Variants in CNBD1 observed in about 807,000 individuals in gnomAD.
CNBD1 encodes the protein cyclic nucleotide-binding domain-containing protein 1.
A neutral mutation model predicts 54.4 loss-of-function variants in CNBD1; 71 were observed. The observed-to-expected ratio is 1.30, with a 90% confidence interval of 1.08 to 1.59. The LOEUF (loss-of-function observed/expected upper bound fraction) is 1.59, where lower values mean the gene tolerates loss of function less well. CNBD1 is among the 40% of genes most tolerant of loss of function. The pLI, the probability that CNBD1 is intolerant of heterozygous loss-of-function variation, is 0.00. For missense variants in CNBD1, 659 were observed against 518.0 expected, an observed-to-expected ratio of 1.27 and a Z score of -2.64; for synonymous variants, 182 against 170.7, an observed-to-expected ratio of 1.07 and a Z score of -0.51.
chr8:87,140,504 G>A (rs954346942), intron 4 of CNBD1, among the ~76,000 whole-genome samples: 5 of 152,112 alleles, frequency 3.3e-5, no homozygotes, highest in Non-Finnish European at 7.4e-5. Context: ...CTAAAAAACA[G>A]TGAATGGAAA....
chr8:87,256,973 T>G (rs2130845080), intron 6 of CNBD1, among the ~76,000 whole-genome samples: 1 of 152,184 alleles, frequency 6.6e-6, no homozygotes, highest in African/African-American at 2.4e-5. Flanking sequence ...CACAAAAAGC[T>G]TTCTTTACCT....
At chr8:87,313,833 C>T (rs1383379997) in intron 8 of CNBD1, among the ~76,000 whole-genome samples, 2 of 151,780 alleles carry the variant, frequency 1.3e-5, no homozygotes, top group Non-Finnish European at 2.9e-5. Context: ...ACATAAATGA[C>T]AGTAAGGAAA....
Position 87,123,272 on chromosome 8 carries a change from G to A in CNBD1, c.432-82721G>A, listed in dbSNP as rs191224955. 3.3e-5 allele frequency among the ~76,000 whole-genome samples: 5 copies of A among 151,612 alleles called. No homozygotes were observed. The East Asian group carries it at 9.7e-4, about 29-fold the overall frequency. ...ACATTCTCCAGGCATATATATGTTA[G>A]GTCAGAAGACAAATTTTAACAAATT... On this transcript the variant is annotated intron_variant, in intron 4 of 10. Coordinates refer to ENST00000518476, the MANE Select transcript of CNBD1 (RefSeq NM_173538.3).
intron 4 of CNBD1, among the ~76,000 whole-genome samples, chr8:87,058,302 C>CTAAA (rs1810467046): frequency 6.6e-6 from 1 of 152,166 alleles, no homozygotes; most frequent in African/African-American, 2.4e-5. Flanking sequence ...TGTTGAGTGT[C>CTAAA]TTTAGCTTTT....
chr8:87,387,902 T>A lies in CNBD1; in HGVS notation c.213+34116T>A, dbSNP rs1195191052. Reference sequence around the variant, plus strand: ...GTAGAAAATAGAAATTATAACAAACTGTCTCTCAGACCACAGTGCAATCAA... The same window carrying A: ...GTAGAAAATAGAAATTATAACAAACAGTCTCTCAGACCACAGTGCAATCAA... On this transcript the variant is annotated intron_variant, in intron 2 of 7. Transcript: ENST00000521593. Among the ~76,000 whole-genome samples, 3 of 152,152 alleles carry A rather than the reference T, an allele frequency of 2.0e-5. No individual in the cohort carries two copies. The East Asian group carries it at 5.8e-4, about 29-fold the overall frequency.
intron 4 of CNBD1, among the ~76,000 whole-genome samples, chr8:87,139,332 A>G (rs912615020): frequency 6.6e-6 from 1 of 152,200 alleles, no homozygotes; most frequent in African/African-American, 2.4e-5. Flanking sequence ...ACCTAACTAG[A>G]GTAGGTATTG....
intron 4 of CNBD1, among the ~76,000 whole-genome samples, chr8:87,018,809 G>A (rs763507610): frequency 6.6e-6 from 1 of 152,260 alleles, no homozygotes; most frequent in East Asian, 1.9e-4. Context: ...AGGCACGTAA[G>A]ATTGTAAGGG....
intron 2 of CNBD1, among the ~76,000 whole-genome samples, chr8:87,413,695 TC>T (rs1807787122): frequency 6.6e-6 from 1 of 151,544 alleles, no homozygotes; most frequent in Non-Finnish European, 1.5e-5. Flanking sequence ...AGCAACCCCA[TC>T]AAAAAGTGGG....
intron 6 of CNBD1, among the ~76,000 whole-genome samples, chr8:87,268,739 G>T (rs1449241974): frequency 6.6e-6 from 1 of 152,112 alleles, no homozygotes; most frequent in Non-Finnish European, 1.5e-5. Flanking sequence ...CTTTTGAGAA[G>T]TGTCTGTTCA....
At chr8:87,231,757 G>C (rs1807441514) in intron 5 of CNBD1, among the ~76,000 whole-genome samples, 1 of 151,832 alleles carries the variant, frequency 6.6e-6, no homozygotes, top group East Asian at 1.9e-4. Context: ...ATTTGTTTCT[G>C]ACACTTTATT....
intron 8 of CNBD1, among the ~76,000 whole-genome samples, chr8:87,291,989 T>C (rs919878862): frequency 1.8e-4 from 27 of 152,206 alleles, no homozygotes; most frequent in Middle Eastern, 3.2e-3. Flanking sequence ...AGACCAAAGT[T>C]ATGACTTTTT....
chr8:87,132,252 A>T (rs1168776602), intron 4 of CNBD1, among the ~76,000 whole-genome samples: 2 of 151,978 alleles, frequency 1.3e-5, no homozygotes, highest in African/African-American at 4.8e-5. Context: ...AATAACTTTT[A>T]AAATAGCCAT....
At chr8:86,879,804 G>A (rs576584266) in intron 1 of CNBD1, among the ~76,000 whole-genome samples, 45 of 152,138 alleles carry the variant, frequency 3.0e-4, no homozygotes, top group South Asian at 1.5e-3. Context: ...CCCAGGAGGC[G>A]GAGGTTGCAG....
At chr8:87,422,575 G>C (rs991811439) in intron 2 of CNBD1, among the ~76,000 whole-genome samples, 1 of 152,112 alleles carries the variant, frequency 6.6e-6, no homozygotes, top group Non-Finnish European at 1.5e-5. Flanking sequence ...TCAAAGATCA[G>C]ATAGTTGCAG....
At chr8:87,242,515 A>G (rs989466194) in intron 6 of CNBD1, among the ~76,000 whole-genome samples, 6 of 152,180 alleles carry the variant, frequency 3.9e-5, no homozygotes, top group Non-Finnish European at 7.3e-5. Flanking sequence ...TCTTTAGATA[A>G]TAGCTTAACT....
At chr8:87,281,511 GT>G (rs1383629517) in intron 6 of CNBD1, among the ~76,000 whole-genome samples, 3 of 109,578 alleles carry the variant, frequency 2.7e-5, no homozygotes, top group African/African-American at 6.6e-5. Context: ...TCTACTATTT[GT>G]TTTTTTCATC....
intron 4 of CNBD1, among the ~76,000 whole-genome samples, chr8:87,136,215 G>T (rs554595034): frequency 5.3e-5 from 8 of 151,894 alleles, no homozygotes; most frequent in African/African-American, 1.9e-4. Context: ...TTGGTTCTCT[G>T]CTTTCCATGT....
At chr8:87,320,899 A>T (rs1014639712) in intron 8 of CNBD1, among the ~76,000 whole-genome samples, 4 of 152,074 alleles carry the variant, frequency 2.6e-5, no homozygotes, top group African/African-American at 9.7e-5. Context: ...GGCAAACAAC[A>T]TTCTATTTTC....
chr8:87,280,099 C>T lies in CNBD1; in HGVS notation c.772-4579C>T, dbSNP rs533414303. On this transcript the variant is annotated intron_variant, in intron 6 of 10. Transcript: ENST00000518476. Reference sequence around the variant, plus strand: ...CTCAGACAATGGAATGCGTTAGGTCCCCATCAGATTCTCACATTCAGTTAG... The same window carrying T: ...CTCAGACAATGGAATGCGTTAGGTCTCCATCAGATTCTCACATTCAGTTAG... 1.1e-3 allele frequency among the ~76,000 whole-genome samples: 163 copies of T among 151,544 alleles called. 10 individuals carry two copies. The South Asian group carries it at 0.023, about 21-fold the overall frequency.
Sources: gnomAD v4.1 joint callset for allele counts (sites outside exome capture counted in the v4.1 genomes callset) on GRCh38, gnomAD v4.1.1 for gene constraint, MANE v1.5 for transcripts, NCBI Gene and HGNC (gene_info 2026-07-23, HGNC 2026-07-21) for gene names.